Variants in NRXN3 observed in about 807,000 individuals in gnomAD.
NRXN3 encodes the protein neurexin 3, also known as neurexin III.
A neutral mutation model predicts 137.6 loss-of-function variants in NRXN3; 32 were observed. That is an observed-to-expected ratio of 0.23 (90% confidence interval 0.18 to 0.31). The LOEUF (loss-of-function observed/expected upper bound fraction) is 0.31. NRXN3 is among the 10% of genes least tolerant of loss of function. The probability of loss-of-function intolerance (pLI) is 1.00; values close to 1 mark genes in which losing one functional copy is unlikely to be tolerated. For synonymous variants in NRXN3, 798 were observed against 784.5 expected (o/e 1.02, Z -0.29); for missense variants, 1,574 against 2,062.5 (o/e 0.76, Z 4.59).
chr14:79,560,168 A>G (rs1191353262), intron 16 of NRXN3, among the ~76,000 whole-genome samples: 1 of 152,140 alleles, frequency 6.6e-6, no homozygotes, highest in East Asian at 1.9e-4. Context: ...TAAAATTAAT[A>G]ATGTTCGCTA....
At chr14:79,617,930 A>AAAAAAAAAAAAG (rs1385000688) in intron 16 of NRXN3, among the ~76,000 whole-genome samples, 7 of 148,734 alleles carry the variant, frequency 4.7e-5, no homozygotes, top group African/African-American at 1.8e-4. Flanking sequence ...AAAAAAAAAA[A>AAAAAAAAAAAAG]AACATGCTTA....
At chr14:78,914,331 G>A (rs1449826702) in intron 10 of NRXN3, among the ~76,000 whole-genome samples, 1 of 152,160 alleles carries the variant, frequency 6.6e-6, no homozygotes, top group Non-Finnish European at 1.5e-5. Context: ...AAAAATACCT[G>A]CACTCTTGGA....
chr14:78,761,281 T>C (rs2098691620), intron 8 of NRXN3, among the ~76,000 whole-genome samples: 1 of 152,146 alleles, frequency 6.6e-6, no homozygotes, highest in African/African-American at 2.4e-5. Flanking sequence ...AGGTAATATT[T>C]TGACTGGATT....
chr14:79,188,526 G>A (rs2063813828), intron 15 of NRXN3, among the ~76,000 whole-genome samples: 1 of 152,078 alleles, frequency 6.6e-6, no homozygotes. Flanking sequence ...TCCAGACAAA[G>A]GCCATTTCTT....
chr14:79,562,428 A>C (rs924797572), intron 16 of NRXN3, among the ~76,000 whole-genome samples: 100 of 152,290 alleles, frequency 6.6e-4, no homozygotes, highest in African/African-American at 2.3e-3. Flanking sequence ...CGATACTTAG[A>C]TCATTGATCT....
intron 1 of NRXN3, among the ~76,000 whole-genome samples, chr14:78,234,777 G>T (rs1224679412): frequency 6.6e-6 from 1 of 151,230 alleles, no homozygotes; most frequent in Non-Finnish European, 1.5e-5. Flanking sequence ...TGTATGTCTG[G>T]AACATGGGTG....
At chr14:78,760,415 T>C (rs2098688553) in intron 8 of NRXN3, among the ~76,000 whole-genome samples, 1 of 150,018 alleles carries the variant, frequency 6.7e-6, no homozygotes, top group Admixed American at 6.7e-5. Context: ...ATTCTAAGGG[T>C]CTGGAACATA....
chr14:79,274,067 A>ACTCCAGT (rs2079865054), intron 15 of NRXN3, among the ~76,000 whole-genome samples: 1 of 147,672 alleles, frequency 6.8e-6, no homozygotes, highest in Non-Finnish European at 1.5e-5. Context: ...TACGCACTGC[A>ACTCCAGT]CTCCAGTCTT....
At chr14:79,771,100 G>A (rs965955872) in intron 19 of NRXN3, among the ~76,000 whole-genome samples, 2 of 152,066 alleles carry the variant, frequency 1.3e-5, no homozygotes, top group African/African-American at 4.8e-5. Flanking sequence ...CTGAATAGAC[G>A]AATAAGAGGA....
chr14:78,178,434 A>G (rs11159337), intron 1 of NRXN3, among the ~76,000 whole-genome samples: 39,119 of 152,154 alleles, frequency 0.26, 5,284 homozygotes, highest in East Asian at 0.31. Flanking sequence ...CTGTTTCCCA[A>G]GGTGTCCCCG....
At chr14:78,706,775 G>A (rs921454148) in intron 6 of NRXN3, among the ~76,000 whole-genome samples, 1 of 152,150 alleles carries the variant, frequency 6.6e-6, no homozygotes, top group Non-Finnish European at 1.5e-5. Flanking sequence ...CCACGGTCAA[G>A]GTTACATAAT....
chr14:78,946,109 G>GT (rs1196699407), intron 10 of NRXN3, among the ~76,000 whole-genome samples: 3 of 152,210 alleles, frequency 2.0e-5, no homozygotes, highest in Admixed American at 2.0e-4. Context: ...TGGGATTGAC[G>GT]TGAGTATTAA....
At chr14:79,274,621 GAA>G (rs35651800) in intron 15 of NRXN3, among the ~76,000 whole-genome samples, 6,416 of 134,684 alleles carry the variant, frequency 0.048, 315 homozygotes, top group African/African-American at 0.12. Flanking sequence ...GAGTAAAAGA[GAA>G]AAAAAAAAAA....
intron 20 of NRXN3, among the ~76,000 whole-genome samples, chr14:79,850,565 A>T (rs1188855621): frequency 6.6e-6 from 1 of 152,214 alleles, no homozygotes; most frequent in Non-Finnish European, 1.5e-5. Context: ...TTACATTTAG[A>T]CAGAGCTATT....
intron 4 of NRXN3, among the ~76,000 whole-genome samples, chr14:78,299,473 CT>C (rs2076667067): frequency 1.5e-4 from 1 of 6,538 alleles, no homozygotes; most frequent in Non-Finnish European, 2.7e-4. Context: ...CTCCTACATT[CT>C]TTTTTCCCCT....
chr14:78,990,607 G>A (rs568624886), intron 15 of NRXN3, among the ~76,000 whole-genome samples: 2 of 151,988 alleles, frequency 1.3e-5, no homozygotes, highest in Non-Finnish European at 2.9e-5. Flanking sequence ...TCCTGACCTC[G>A]TGATCCGCCC....
At chr14:79,472,417 T>G (rs1388025328) in intron 16 of NRXN3, among the ~76,000 whole-genome samples, 2 of 152,208 alleles carry the variant, frequency 1.3e-5, no homozygotes, top group Non-Finnish European at 2.9e-5. Context: ...GATTTAGAAA[T>G]TGCTTGCTTC....
intron 19 of NRXN3, among the ~76,000 whole-genome samples, chr14:79,742,511 C>A (rs1317325923): frequency 6.6e-6 from 1 of 152,120 alleles, no homozygotes; most frequent in Non-Finnish European, 1.5e-5. Flanking sequence ...TTCAGAATCT[C>A]TCCACCTATA....
intron 2 of NRXN3, among the ~76,000 whole-genome samples, chr14:78,252,952 T>C (rs2068881875): frequency 6.6e-6 from 1 of 152,222 alleles, no homozygotes; most frequent in Non-Finnish European, 1.5e-5. Flanking sequence ...CACACTCAGT[T>C]TCTTCCTTCC....
Sources: allele counts gnomAD v4.1 joint callset (sites outside exome capture counted in the v4.1 genomes callset), GRCh38; gene constraint gnomAD v4.1.1; transcripts MANE v1.5; gene names NCBI Gene and HGNC (gene_info 2026-07-23, HGNC 2026-07-21).